The following RUNX1 variants were observed in gnomAD, a reference collection of about 807,000 sequenced individuals.
The protein encoded by RUNX1 is RUNX family transcription factor 1.
RUNX1 carries 19 observed loss-of-function variants against 42.8 expected under a neutral mutation model. The observed-to-expected ratio is 0.44, with a 90% CI of 0.31 to 0.65. RUNX1 has a LOEUF of 0.65. Ranked by LOEUF, RUNX1 falls within the 30% of genes least tolerant of loss-of-function variation. The probability of loss-of-function intolerance (pLI) is 0.07; values close to 1 mark genes in which losing one functional copy is unlikely to be tolerated. For missense variants in RUNX1, 528 were observed against 672.0 expected (o/e 0.79, Z 2.37); for synonymous variants, 271 against 289.4 (o/e 0.94, Z 0.64).
intron 5 of RUNX1, among the ~76,000 whole-genome samples, chr21:34,870,091 C>T (rs1041852253): frequency 5.3e-5 from 8 of 152,134 alleles, no homozygotes; most frequent in African/African-American, 1.7e-4. Flanking sequence ...AACCCTTTCA[C>T]GACCACAGAA....
intron 6 of RUNX1, among the ~76,000 whole-genome samples, chr21:34,849,316 A>AG: frequency 5.4e-5 from 2 of 37,360 alleles, no homozygotes; most frequent in African/African-American, 1.9e-4. Flanking sequence ...TATATATTAT[A>AG]TATATATTAT....
chr21:34,983,700 G>T (rs1264689497), intron 2 of RUNX1, among the ~76,000 whole-genome samples: 2 of 152,178 alleles, frequency 1.3e-5, no homozygotes, highest in African/African-American at 4.8e-5. Flanking sequence ...CATTGCAATA[G>T]CTATAACTCT....
chr21:34,804,771 C>T lies in RUNX1; in HGVS notation c.806-5309G>A, dbSNP rs906454857. 7.2e-5 allele frequency among the ~76,000 whole-genome samples: 10 copies of T among 138,612 alleles called. No homozygotes were observed. In the South Asian group the frequency reaches 2.3e-3, roughly 31 times the overall value. The allele number at this position is 138,612 out of a possible 152,430, so 90.9% of individuals were successfully genotyped here. A position where few individuals can be genotyped will look rare whatever the true frequency, so the allele number is the denominator to read the frequency against. The stretch of plus-strand genomic sequence containing the variant: ...TTTTTTTTTTTTTTTGAGACAGTGT[C>T]TCGCTCTGTCGCCCACACTGGAGTG... On this transcript the variant is annotated intron_variant, in intron 7 of 8. Coordinates refer to ENST00000675419, the MANE Select transcript of RUNX1 (RefSeq NM_001754.5).
At chr21:34,900,509 A>G (rs1049967555) in intron 2 of RUNX1, among the ~76,000 whole-genome samples, 2 of 152,236 alleles carry the variant, frequency 1.3e-5, no homozygotes, top group African/African-American at 4.8e-5. Flanking sequence ...AGCAAAGTTC[A>G]GAATTTTTAT....
intron 2 of RUNX1, among the ~76,000 whole-genome samples, chr21:34,985,613 G>T (rs1795901489): frequency 6.6e-6 from 1 of 152,156 alleles, no homozygotes; most frequent in Non-Finnish European, 1.5e-5. Flanking sequence ...GTTTAGGGTG[G>T]AGCCCTTTGG....
intron 6 of RUNX1, among the ~76,000 whole-genome samples, chr21:34,839,404 C>A (rs747835198): frequency 1.3e-5 from 2 of 151,902 alleles, no homozygotes; most frequent in East Asian, 1.9e-4. Context: ...CAACACCCAC[C>A]GACACACACA....
chr21:34,955,546 A>G (rs1444199336), intron 2 of RUNX1, among the ~76,000 whole-genome samples: 1 of 152,180 alleles, frequency 6.6e-6, no homozygotes, highest in African/African-American at 2.4e-5. Flanking sequence ...ATGTAACCCG[A>G]TTTGACTTAA....
intron 2 of RUNX1, among the ~76,000 whole-genome samples, chr21:34,894,902 CACACACACACACACACACACACACACAT>C (rs2058116849): frequency 2.1e-5 from 3 of 142,856 alleles, no homozygotes; most frequent in South Asian, 4.4e-4. Context: ...CACACACACA[CACACACACACACACACACACACACACAT>C]ATTCATATCT....
chr21:34,846,678 G>A (rs1048504331), intron 6 of RUNX1, among the ~76,000 whole-genome samples: 1 of 152,116 alleles, frequency 6.6e-6, no homozygotes, highest in Non-Finnish European at 1.5e-5. Flanking sequence ...CCTCGCCCAG[G>A]GCTCAAGATT....
At chr21:34,874,604 C>A (rs2057786794) in intron 5 of RUNX1, among the ~76,000 whole-genome samples, 1 of 77,022 alleles carries the variant, frequency 1.3e-5, no homozygotes, top group African/African-American at 9.1e-5. Context: ...GAGGGAAACT[C>A]TGTCTCAAAA....
At chr21:35,010,400 A>T (rs904895374) in intron 2 of RUNX1, among the ~76,000 whole-genome samples, 76 of 152,248 alleles carry the variant, frequency 5.0e-4, no homozygotes, top group African/African-American at 1.7e-3. Context: ...GGTTCAAAGC[A>T]CCTGACAATT....
rs75691624 is a variant in RUNX1 at position 34,997,151 on chromosome 21, G to T, written c.58+51691C>A. The stretch of plus-strand genomic sequence containing the variant: ...GTGATGGGCTTAAATTGCATTCACT[G>T]ACAGTGAATTAAAAGCATGAATGAA... On this transcript the variant is annotated intron_variant, in intron 2 of 8. Transcript: ENST00000675419. Among the ~76,000 whole-genome samples, 1,319 of 152,346 alleles carry T rather than the reference G, an allele frequency of 8.7e-3. 22 individuals are homozygous for T. Among genetic ancestry groups the T allele is most frequent in the African/African-American group, 0.029 (1,201 of 41,576 alleles).
chr21:35,016,704 G>A lies in RUNX1; in HGVS notation c.58+32138C>T, dbSNP rs926278820. On this transcript the variant is annotated intron_variant, in intron 2 of 8. Coordinates refer to ENST00000675419, the MANE Select transcript of RUNX1 (RefSeq NM_001754.5). ...ATACCCCATTTCTGGGGCCTGAAGGGTCCAGGTATAAAGGGACCAAGACAG... is the reference window on the plus strand; with the variant it reads ...ATACCCCATTTCTGGGGCCTGAAGGATCCAGGTATAAAGGGACCAAGACAG... 8.5e-5 allele frequency among the ~76,000 whole-genome samples: 13 copies of A among 152,242 alleles called. 1 individual carries two copies. In the South Asian group the frequency reaches 2.7e-3, roughly 32 times the overall value.
intron 7 of RUNX1, among the ~76,000 whole-genome samples, chr21:34,809,878 G>A (rs2056735254): frequency 6.6e-6 from 1 of 152,242 alleles, no homozygotes; most frequent in South Asian, 2.1e-4. Flanking sequence ...GCTACAAAAT[G>A]ATGAACCCCC....
intron 2 of RUNX1, among the ~76,000 whole-genome samples, chr21:34,973,590 T>C (rs1569132585): frequency 6.6e-6 from 1 of 152,220 alleles, no homozygotes. Flanking sequence ...CATGCATTCA[T>C]CATTACAATC....
At chr21:34,845,980 G>A (rs1318441303) in intron 6 of RUNX1, among the ~76,000 whole-genome samples, 1 of 152,088 alleles carries the variant, frequency 6.6e-6, no homozygotes, top group Non-Finnish European at 1.5e-5. Flanking sequence ...AAGATAGGTA[G>A]GGCAGGTAAT....
chr21:34,926,903 A>G (rs1013550840), intron 2 of RUNX1, among the ~76,000 whole-genome samples: 1 of 152,122 alleles, frequency 6.6e-6, no homozygotes, highest in Non-Finnish European at 1.5e-5. Context: ...GAGGCAAGGA[A>G]GAGCTGCAGA....
At chr21:34,831,467 C>G (rs1184260842) in intron 7 of RUNX1, among the ~76,000 whole-genome samples, 1 of 152,162 alleles carries the variant, frequency 6.6e-6, no homozygotes, top group Non-Finnish European at 1.5e-5. Context: ...TTCTTGCTGA[C>G]AGAGTCAGAG....
intron 2 of RUNX1, among the ~76,000 whole-genome samples, chr21:35,012,419 T>C (rs1188990880): frequency 6.6e-6 from 1 of 152,244 alleles, no homozygotes; most frequent in East Asian, 1.9e-4. Flanking sequence ...CCAGACTATT[T>C]CTCACATCTA....
Sources: allele counts gnomAD v4.1 joint callset (sites outside exome capture counted in the v4.1 genomes callset), GRCh38; gene constraint gnomAD v4.1.1; transcripts MANE v1.5; gene names NCBI Gene and HGNC (gene_info 2026-07-23, HGNC 2026-07-21).